Variants in CDH13 observed in about 807,000 individuals in gnomAD.
CDH13 encodes the protein cadherin 13.
In CDH13, 24 loss-of-function variants were observed where a neutral mutation model predicts 63.8. The observed-to-expected ratio is 0.38, with a 90% CI of 0.27 to 0.53. CDH13 has a LOEUF of 0.53. Ranked by LOEUF, CDH13 falls within the 20% of genes least tolerant of loss-of-function variation. The probability of loss-of-function intolerance (pLI) is 0.85; values close to 1 mark genes in which losing one functional copy is unlikely to be tolerated. For missense variants in CDH13, 1,049 were observed against 903.1 expected, an observed-to-expected ratio of 1.16 and a Z score of -2.07; for synonymous variants, 503 against 355.3, an observed-to-expected ratio of 1.42 and a Z score of -4.67.
At position 83,632,862 on chromosome 16, in the gene CDH13, G is replaced by T. The variant is rs578128749; in HGVS notation, c.1101+30268G>T. Among the ~76,000 whole-genome samples the T allele has an allele frequency of 3.3e-5, 5 of 151,720 alleles. No individual in the cohort carries two copies. The South Asian group carries it at 1.0e-3, about 32-fold the overall frequency. On this transcript the variant is annotated intron_variant, in intron 8 of 13. Transcript: ENST00000567109. ...TCTCTTGATTATATGCTAAACAAAA[G>T]GTGGATTATTCTTGGGTTTTCCGGG...
chr16:83,729,951 A>G (rs1910854392), intron 10 of CDH13, among the ~76,000 whole-genome samples: 1 of 152,202 alleles, frequency 6.6e-6, no homozygotes, highest in Non-Finnish European at 1.5e-5. Flanking sequence ...GCCATTGCCA[A>G]GTCATTACCG....
At chr16:82,677,310 C>A (rs1368103492) in intron 1 of CDH13, among the ~76,000 whole-genome samples, 2 of 152,230 alleles carry the variant, frequency 1.3e-5, no homozygotes, top group Non-Finnish European at 2.9e-5. Context: ...TGATACCCCT[C>A]TTATTCCCTC....
chr16:83,219,367 A>G (rs2039630828), intron 5 of CDH13, among the ~76,000 whole-genome samples: 1 of 152,248 alleles, frequency 6.6e-6, no homozygotes, highest in Non-Finnish European at 1.5e-5. Flanking sequence ...TGGATTCTGC[A>G]CACAGCCAGA....
At chr16:83,463,577 G>A (rs961640699) in intron 6 of CDH13, among the ~76,000 whole-genome samples, 9 of 152,168 alleles carry the variant, frequency 5.9e-5, no homozygotes, top group Non-Finnish European at 1.2e-4. Flanking sequence ...ACAGCAGGAG[G>A]TTCACTTGAG....
chr16:83,238,887 T>G (rs1370319169), intron 5 of CDH13, among the ~76,000 whole-genome samples: 7 of 152,178 alleles, frequency 4.6e-5, no homozygotes, highest in Admixed American at 4.6e-4. Flanking sequence ...TGTCCTGATG[T>G]TAGTTGGAAG....
At chr16:83,528,892 C>G (rs1166062371) in intron 7 of CDH13, among the ~76,000 whole-genome samples, 1 of 152,128 alleles carries the variant, frequency 6.6e-6, no homozygotes, top group Non-Finnish European at 1.5e-5. Flanking sequence ...GGCTATATAA[C>G]TGTTTAATTA....
intron 5 of CDH13, among the ~76,000 whole-genome samples, chr16:83,222,542 C>A (rs2039728026): frequency 6.6e-6 from 1 of 152,136 alleles, no homozygotes; most frequent in African/African-American, 2.4e-5. Context: ...ATGTTATGAA[C>A]AAATGATGCA....
chr16:83,575,741 C>T (rs1905046860), intron 7 of CDH13, among the ~76,000 whole-genome samples: 1 of 152,190 alleles, frequency 6.6e-6, no homozygotes, highest in Non-Finnish European at 1.5e-5. Context: ...CATGGAGGTG[C>T]TTTCATTGCA....
At chr16:83,189,505 T>C (rs1394075135) in intron 4 of CDH13, among the ~76,000 whole-genome samples, 2 of 152,228 alleles carry the variant, frequency 1.3e-5, no homozygotes, top group East Asian at 1.9e-4. Context: ...AGAGGTTGTA[T>C]GTGACAGATA....
intron 7 of CDH13, among the ~76,000 whole-genome samples, chr16:83,587,443 G>C (rs1454524750): frequency 6.6e-6 from 1 of 152,140 alleles, no homozygotes; most frequent in African/African-American, 2.4e-5. Flanking sequence ...CTGTCACTGG[G>C]AGTCAGTAAT....
intron 1 of CDH13, among the ~76,000 whole-genome samples, chr16:82,752,807 C>T (rs1339276401): frequency 1.3e-5 from 2 of 152,172 alleles, no homozygotes; most frequent in African/African-American, 2.4e-5. Context: ...ATACCTCCAC[C>T]GTGGCTGATT....
At chr16:82,908,336 A>G (rs1336398565) in intron 2 of CDH13, among the ~76,000 whole-genome samples, 4 of 152,164 alleles carry the variant, frequency 2.6e-5, no homozygotes, top group Admixed American at 2.0e-4. Flanking sequence ...AGGACCAGCT[A>G]GTAATGGAAA....
intron 7 of CDH13, among the ~76,000 whole-genome samples, chr16:83,551,246 T>A (rs1459627793): frequency 2.0e-5 from 3 of 152,134 alleles, no homozygotes; most frequent in African/African-American, 4.8e-5. Context: ...CACACCTGGC[T>A]AATTTTTGTG....
intron 3 of CDH13, among the ~76,000 whole-genome samples, chr16:83,063,713 GT>G (rs1446112938): frequency 6.6e-6 from 1 of 152,164 alleles, no homozygotes; most frequent in African/African-American, 2.4e-5. Context: ...AATTTATTCT[GT>G]TTTAGTTTTG....
chr16:83,540,408 T>C (rs2075277471), intron 7 of CDH13, among the ~76,000 whole-genome samples: 1 of 152,178 alleles, frequency 6.6e-6, no homozygotes, highest in Non-Finnish European at 1.5e-5. Context: ...AGTAATAATA[T>C]AAACCTGTGT....
intron 1 of CDH13, among the ~76,000 whole-genome samples, chr16:82,846,233 C>G (rs1341508051): frequency 6.6e-6 from 1 of 152,160 alleles, no homozygotes; most frequent in African/African-American, 2.4e-5. Context: ...ATGTCCTTGT[C>G]TGTGACATGG....
intron 2 of CDH13, among the ~76,000 whole-genome samples, chr16:82,917,914 CAA>C (rs34766700): frequency 6.5e-5 from 3 of 45,946 alleles, no homozygotes; most frequent in Non-Finnish European, 5.2e-5. Flanking sequence ...GACTCCATGT[CAA>C]AAAAAAAAAA....
chr16:82,702,295 A>C (rs1236758061), intron 1 of CDH13, among the ~76,000 whole-genome samples: 1 of 131,758 alleles, frequency 7.6e-6, no homozygotes, highest in Non-Finnish European at 1.7e-5. Context: ...AATAATTTTC[A>C]CAGCACATGA....
At chr16:83,084,146 A>T (rs1442987755) in intron 3 of CDH13, among the ~76,000 whole-genome samples, 1 of 152,208 alleles carries the variant, frequency 6.6e-6, no homozygotes, top group African/African-American at 2.4e-5. Context: ...CACACCCAAT[A>T]AATTGCTTAT....
Sources: allele counts gnomAD v4.1 joint callset (sites outside exome capture counted in the v4.1 genomes callset), GRCh38; gene constraint gnomAD v4.1.1; transcripts MANE v1.5; gene names NCBI Gene and HGNC (gene_info 2026-07-23, HGNC 2026-07-21).